The following PCDHAC1 variants were observed in gnomAD, a reference collection of about 807,000 sequenced individuals.
PCDHAC1 encodes protocadherin alpha-C1.
Under a neutral mutation model 60.0 loss-of-function variants are expected in PCDHAC1, and 42 were observed. That is an observed-to-expected ratio of 0.70 (90% CI 0.55 to 0.90). The LOEUF is 0.90. PCDHAC1 is among the 40% of genes least tolerant of loss of function. The pLI is 0.00. For synonymous variants in PCDHAC1, 468 were observed against 499.3 expected, an observed-to-expected ratio of 0.94 and a Z score of 0.84; for missense variants, 1,160 against 1,222.3, an observed-to-expected ratio of 0.95 and a Z score of 0.76.
chr5:140,993,462 T>TCACACACACACACA (rs3836747), intron 3 of PCDHAC1, among the ~76,000 whole-genome samples: 3 of 140,938 alleles, frequency 2.1e-5, no homozygotes, highest in African/African-American at 5.3e-5. Flanking sequence ...TCTTTCTTTC[T>TCACACACACACACA]CACACACACA....
At chr5:140,972,798 A>G (rs782291338) in intron 1 of PCDHAC1, among the ~76,000 whole-genome samples, 6 of 151,178 alleles carry the variant, frequency 4.0e-5, no homozygotes, top group Admixed American at 2.6e-4. Flanking sequence ...TGAGTAGCTG[A>G]GATTACAGGC....
At chr5:140,998,721 C>T (rs987484967) in intron 3 of PCDHAC1, among the ~76,000 whole-genome samples, 3 of 152,084 alleles carry the variant, frequency 2.0e-5, no homozygotes, top group Non-Finnish European at 2.9e-5. Context: ...TGCACCACCA[C>T]GCTAGGCTAA....
intron 3 of PCDHAC1, among the ~76,000 whole-genome samples, chr5:141,000,423 T>TC (rs2097932931): frequency 9.0e-5 from 6 of 66,856 alleles, no homozygotes; most frequent in African/African-American, 3.6e-4. Flanking sequence ...ATATATATAT[T>TC]TTTTTTTTTT....
chr5:140,959,254 G>A (rs1318438220), intron 1 of PCDHAC1, among the ~76,000 whole-genome samples: 3 of 152,054 alleles, frequency 2.0e-5, no homozygotes, highest in Non-Finnish European at 2.9e-5. Context: ...GTGCATGACT[G>A]TAGTCCCAGC....
chr5:140,929,436 C>T, intron 1 of PCDHAC1, 111 bp downstream of exon 1: 1 of 1,470,330 alleles, frequency 6.8e-7, no homozygotes, highest in Non-Finnish European at 9.1e-7. Context: ...TTGAACTAAA[C>T]ACTCCTTCTT....
At chr5:140,931,574 C>A (rs1311706898) in intron 1 of PCDHAC1, among the ~76,000 whole-genome samples, 1 of 152,024 alleles carries the variant, frequency 6.6e-6, no homozygotes, top group Non-Finnish European at 1.5e-5. Flanking sequence ...CCATCCCATT[C>A]ATTCAGTTGA....
At chr5:140,979,159 T>C in intron 2 of PCDHAC1, 152 bp downstream of exon 2, 4 of 1,426,630 alleles carry the variant, frequency 2.8e-6, no homozygotes, top group Non-Finnish European at 3.7e-6. Flanking sequence ...CCATGTTTAT[T>C]CCTTGAAAGA....
rs782065898 is a variant in PCDHAC1, at chr5:140,929,226, C to T, written c.2334C>T (p.Ala778=). The change falls in exon 1 of 4, where the codon GCC becomes GCT. Residue 778 remains alanine, a synonymous_variant. Transcript: ENST00000253807. The part of the protein sequence containing the change: ...SLLLRGEYNA[A]DLRNLATGVG... ...TGTTGCGTGGGGAGTACAATGCTGC[C>T]GACCTGCGAAATCTTGCCACTGGGG... The T allele has an allele frequency of 8.7e-6, 14 of 1,613,766 alleles. No individual in the cohort carries two copies. Among genetic ancestry groups the T allele is most frequent in the African/African-American group, 5.3e-5 (4 of 74,910 alleles).
At chr5:140,999,051 C>T (rs972072595) in intron 3 of PCDHAC1, among the ~76,000 whole-genome samples, 6 of 152,196 alleles carry the variant, frequency 3.9e-5, no homozygotes, top group African/African-American at 9.7e-5. Flanking sequence ...TGCTTTCCAC[C>T]ATGCCTAAGT....
rs375652776 is a variant in PCDHAC1, at chr5:140,968,862, G to A, written c.2434-10087G>A. The A allele has an allele frequency of 1.9e-5, 31 of 1,614,126 alleles. No individual in the cohort carries two copies. The highest frequency in any genetic ancestry group is 1.5e-4 in the South Asian group (14 of 91,062). The stretch of plus-strand genomic sequence containing the variant: ...ACTCAGAGGCATGTTAAGAGCCCTC[G>A]GACATACTCTGAAATTACCCTTTAT... On this transcript the variant is annotated intron_variant, in intron 1 of 3. Transcript: ENST00000253807.
chr5:140,989,893 A>T (rs1436233809), intron 3 of PCDHAC1, among the ~76,000 whole-genome samples: 1 of 151,928 alleles, frequency 6.6e-6, no homozygotes, highest in Non-Finnish European at 1.5e-5. Context: ...AGTCTCCGTT[A>T]TTCACAATCA....
chr5:140,957,322 A>G (rs1356606026), intron 1 of PCDHAC1, among the ~76,000 whole-genome samples: 4 of 152,202 alleles, frequency 2.6e-5, no homozygotes, highest in Admixed American at 2.0e-4. Context: ...AGGTGAGCAC[A>G]GTACAGTAAG....
At chr5:140,930,553 A>C (rs1252554591) in intron 1 of PCDHAC1, 1 of 152,562 alleles carries the variant, frequency 6.6e-6, no homozygotes, top group Non-Finnish European at 1.5e-5. Flanking sequence ...TTAGGACAAC[A>C]TTTTGAAGCA....
chr5:140,943,302 A>G, intron 1 of PCDHAC1, among the ~76,000 whole-genome samples: 1 of 151,674 alleles, frequency 6.6e-6, no homozygotes, highest in Non-Finnish European at 1.5e-5. Context: ...AATTTTGGGA[A>G]GTCATTATTA....
chr5:140,983,444 TC>T (rs1554245415), intron 3 of PCDHAC1, among the ~76,000 whole-genome samples: 1 of 152,224 alleles, frequency 6.6e-6, no homozygotes. Context: ...TCTACTCTAA[TC>T]CTCTATTAAT....
chr5:140,979,033 C>T, intron 2 of PCDHAC1, 26 bp downstream of exon 2: 1 of 1,613,044 alleles, frequency 6.2e-7, no homozygotes, highest in Non-Finnish European at 8.5e-7. Flanking sequence ...CTCATTCACT[C>T]AGAAGTAACC....
In PCDHAC1 at chr5:140,928,012, A is replaced by C; in HGVS notation, c.1120A>C (p.Arg374=). 2 of 1,614,190 alleles carry C rather than the reference A, an allele frequency of 1.2e-6. No homozygotes were observed. Among genetic ancestry groups the C allele is most frequent in the Non-Finnish European group, 1.7e-6 (2 of 1,180,032 alleles). Residue 374 remains arginine (R), a synonymous_variant, in exon 1 of 4, where the codon AGG becomes CGG. Transcript: ENST00000253807. ...VKDEDLDSNG[R]VICGMSSAGP... ...GGATGAAGACCTCGATTCTAATGGT[A>C]GGGTCATTTGTGGCATGTCTAGTGC... is the stretch of plus-strand genomic sequence containing the variant.
intron 1 of PCDHAC1, among the ~76,000 whole-genome samples, chr5:140,937,282 C>T (rs2091446146): frequency 6.6e-6 from 1 of 152,060 alleles, no homozygotes; most frequent in Admixed American, 6.6e-5. Context: ...CGTGATTCAC[C>T]CGCTTCGGCC....
chr5:140,982,666 T>G (rs2096995489), intron 3 of PCDHAC1, 103 bp downstream of exon 3: 4 of 1,467,448 alleles, frequency 2.7e-6, no homozygotes. Context: ...TTCTTTTATA[T>G]TTTTGTTATT....
Sources: gnomAD v4.1 joint callset for allele counts (sites outside exome capture counted in the v4.1 genomes callset) on GRCh38, gnomAD v4.1.1 for gene constraint, MANE v1.5 for transcripts, NCBI Gene and HGNC (gene_info 2026-07-23, HGNC 2026-07-21) for gene names.